Variants in OR56A5 observed in about 807,000 individuals in gnomAD.
OR56A5 encodes the protein olfactory receptor family 56 subfamily A member 5.
OR56A5 carries 10 observed loss-of-function variants against 13.8 expected under a neutral mutation model. The ratio of observed to expected loss-of-function variants is 0.73; its 90% CI spans 0.45 to 1.23. The LOEUF (loss-of-function observed/expected upper bound fraction) is 1.23. Among genes scored for constraint, OR56A5 ranks in the 50% most tolerant of loss-of-function variants. OR56A5 has a pLI of 0.00. For synonymous variants in OR56A5, 156 were observed against 150.8 expected (o/e 1.03, Z -0.25); for missense variants, 377 against 370.9 (o/e 1.02, Z -0.13).
rs917751233 is a variant in OR56A5 at position 5,967,584 on chromosome 11, T to C, written c.911A>G (p.Gln304Arg). 5.6e-6 allele frequency: 9 copies of C among 1,606,230 alleles called. No homozygotes were observed. The highest frequency in any genetic ancestry group is 7.7e-6 in the Non-Finnish European group (9 of 1,175,456). The change falls in exon 1 of 1, where the codon CAG becomes CGG. Residue 304 changes from glutamine to arginine, a missense_variant. Physicochemically the swap from Gln to Arg is conservative, Grantham distance 43 (BLOSUM62 1). Transcript: ENST00000532411. ...CCTCCTCAGCAGGTTCTGGATTCCC[T>C]GCTTGATCTCCTTGGTTCTCACACC... is the stretch of plus-strand genomic sequence containing the variant. ...VYGVRTKEIKQGIQNLLRRL is the reference protein window; with the variant it reads ...VYGVRTKEIKRGIQNLLRRL
Position 5,968,020 on chromosome 11 carries a change from T to C in OR56A5, c.475A>G (p.Thr159Ala). Reference sequence around the variant, plus strand: ...GAAGAAAGTATGGGGATAGGCATAGTAAGAAGGCCATTCCTGGCCACAACA... The same window carrying C: ...GAAGAAAGTATGGGGATAGGCATAGCAAGAAGGCCATTCCTGGCCACAACA... ...IFVVARNGLL[T>A]MPIPILSSRL... Residue 159 changes from threonine to alanine, a missense_variant, in exon 1 of 1, where the codon ACT becomes GCT. By Grantham distance (58) the Thr-to-Ala change is moderately conservative. Transcript: ENST00000532411. The C allele has an allele frequency of 6.3e-7, 1 of 1,596,150 alleles. No individual in the cohort carries two copies. The highest frequency in any genetic ancestry group is 8.5e-7 in the Non-Finnish European group (1 of 1,170,224).
chr11:5,967,806 C>T lies in OR56A5; in HGVS notation c.689G>A (p.Arg230Lys), dbSNP rs772921173. ...GGCCATATCTCCCTCACCCTTAATC[C>T]TTAGCACAGTTTTCAAGATAAAAAA... ...SYFFILKTVL[R>K]IKGEGDMAKA... The change falls in exon 1 of 1, where the codon AGG becomes AAG. Residue 230 changes from arginine to lysine, a missense_variant. By Grantham distance (26) the Arg-to-Lys change is conservative. Transcript: ENST00000532411. 58 of 1,573,052 alleles carry T rather than the reference C, an allele frequency of 3.7e-5. No homozygotes were observed. Among genetic ancestry groups the T allele is most frequent in the Non-Finnish European group, 4.4e-5 (51 of 1,157,798 alleles).
Position 5,968,309 on chromosome 11 carries a change from C to T in OR56A5, c.186G>A (p.Leu62=). Reference sequence around the variant, plus strand: ...GGGAGAGGAGGCTGAGCAGGTAGTACAGGGGCTGGTGCAGAGAGGCTTCCA... The same window carrying T: ...GGGAGAGGAGGCTGAGCAGGTAGTATAGGGGCTGGTGCAGAGAGGCTTCCA... ...IYLEASLHQP[L]YYLLSLLSLL... Residue 62 remains leucine, a synonymous_variant, in exon 1 of 1, where the codon CTG becomes CTA. Transcript: ENST00000532411. 1 of 1,612,522 alleles carries T rather than the reference C, an allele frequency of 6.2e-7. No homozygotes were observed. The highest frequency in any genetic ancestry group is 8.5e-7 in the Non-Finnish European group (1 of 1,179,258).
In OR56A5 at chr11:5,968,245, C is replaced by T. The variant is rs1421762502; in HGVS notation, c.250G>A (p.Val84Ile). ...AGGTCAAACCAGAAGATGGCCAGGACCTTGGGGATGACGGTGAGGCAGAGT... is the reference window on the plus strand; with the variant it reads ...AGGTCAAACCAGAAGATGGCCAGGATCTTGGGGATGACGGTGAGGCAGAGT... ...IVLCLTVIPK[V>I]LAIFWFDLRS... The change falls in exon 1 of 1, where the codon GTC becomes ATC. Residue 84 changes from valine to isoleucine, a missense_variant. By Grantham distance (29) the Val-to-Ile change is conservative. Transcript: ENST00000532411. 1 of 1,613,894 alleles carries T rather than the reference C, an allele frequency of 6.2e-7. No individual in the cohort carries two copies. The highest frequency in any genetic ancestry group is 1.3e-5 in the African/African-American group (1 of 75,036).
In OR56A5 at chr11:5,967,893, T is replaced by A. The variant is rs541837280; in HGVS notation, c.602A>T (p.Tyr201Phe). The A allele has an allele frequency of 6.7e-5, 107 of 1,585,882 alleles. No individual in the cohort carries two copies. In the Admixed American group the frequency reaches 8.1e-4, roughly 12 times the overall value. ...CAGGGTCCAACCTATAACAAACTGGTAGCTCTGATTCAAGGTGATGTCATC... is the reference window on the plus strand; with the variant it reads ...CAGGGTCCAACCTATAACAAACTGGAAGCTCTGATTCAAGGTGATGTCATC... ...SCDDITLNQS[Y>F]QFVIGWTLLG... Residue 201 changes from tyrosine to phenylalanine, a missense_variant, in exon 1 of 1, where the codon TAC becomes TTC. Physicochemically the swap from Tyr to Phe is conservative, Grantham distance 22. Transcript: ENST00000532411.
rs761084574 is a variant in OR56A5, at chr11:5,968,337, T to G, written c.158A>C (p.Tyr53Ser). ...GGGCTGGTGCAGAGAGGCTTCCAGATAGATGGTGATCAGAAGGGTGGCATT... is the reference window on the plus strand; with the variant it reads ...GGGCTGGTGCAGAGAGGCTTCCAGAGAGATGGTGATCAGAAGGGTGGCATT... Reference protein sequence around the residue: ...GANATLLITIYLEASLHQPLY... With the variant: ...GANATLLITISLEASLHQPLY... The change falls in exon 1 of 1, where the codon TAT (tyrosine) becomes TCT (serine). Residue 53 changes from tyrosine to serine, a missense_variant. Physicochemically the swap from Tyr to Ser is moderately radical, Grantham distance 144. Transcript: ENST00000532411. The G allele has an allele frequency of 6.2e-7, 1 of 1,613,412 alleles. No homozygotes were observed. Among genetic ancestry groups the G allele is most frequent in the Admixed American group, 1.7e-5 (1 of 59,972 alleles).
At position 5,968,012 on chromosome 11, in the gene OR56A5, A is replaced by G; in HGVS notation, c.483T>C (p.Pro161=). ...TGAGTCGAGAAGAAAGTATGGGGAT[A>G]GGCATAGTAAGAAGGCCATTCCTGG... ...VVARNGLLTM[P]IPILSSRLRY... is the part of the protein sequence containing the mutation. Residue 161 remains proline, a synonymous_variant, in exon 1 of 1, where the codon CCT becomes CCC. Transcript: ENST00000532411. 2 of 1,593,228 alleles carry G rather than the reference A, an allele frequency of 1.3e-6. No homozygotes were observed. Among genetic ancestry groups the G allele is most frequent in the Non-Finnish European group, 1.7e-6 (2 of 1,168,600 alleles).
rs763234735 is a variant in OR56A5, at chr11:5,967,612, A to G, written c.883T>C (p.Tyr295His). 1.2e-6 allele frequency: 2 copies of G among 1,613,766 alleles called. No individual in the cohort carries two copies. Among genetic ancestry groups the G allele is most frequent in the African/African-American group, 2.7e-5 (2 of 74,928 alleles). The part of the protein sequence containing the change: ...LIPPALNPIV[Y>H]GVRTKEIKQG... ...TTGATCTCCTTGGTTCTCACACCAT[A>G]AACAATGGGGTTCAGAGCTGGGGGA... is the stretch of plus-strand genomic sequence containing the variant. Residue 295 changes from tyrosine to histidine, a missense_variant, in exon 1 of 1, where the codon TAT becomes CAT. Tyr to His is a moderately conservative substitution (Grantham distance 83). Transcript: ENST00000532411.
chr11:5,967,679 A>T lies in OR56A5; in HGVS notation c.816T>A (p.Pro272=). 1 of 1,613,914 alleles carries T rather than the reference A, an allele frequency of 6.2e-7. No individual in the cohort carries two copies. The highest frequency in any genetic ancestry group is 8.5e-7 in the Non-Finnish European group (1 of 1,179,942). Residue 272 remains proline (P), a synonymous_variant, in exon 1 of 1, where the codon CCT becomes CCA. Transcript: ENST00000532411. The stretch of plus-strand genomic sequence containing the variant: ...TGTTGAGCAGGATGGGGACATCCGG[A>T]GGAATTCTCTTCCTGGCCAGGTTAG... ...VITNLARKRI[P]PDVPILLNIL...
At position 5,968,320 on chromosome 11, in the gene OR56A5, G is replaced by T; in HGVS notation, c.175C>A (p.His59Asn). Reference sequence around the variant, plus strand: ...CTGAGCAGGTAGTACAGGGGCTGGTGCAGAGAGGCTTCCAGATAGATGGTG... The same window carrying T: ...CTGAGCAGGTAGTACAGGGGCTGGTTCAGAGAGGCTTCCAGATAGATGGTG... ...LITIYLEASL[H>N]QPLYYLLSLL... Residue 59 changes from histidine to asparagine, a missense_variant, in exon 1 of 1, where the codon CAC becomes AAC. His to Asn is a moderately conservative substitution (Grantham distance 68). Transcript: ENST00000532411. 1.2e-6 allele frequency: 2 copies of T among 1,613,010 alleles called. No homozygotes were observed.
Position 5,967,581 on chromosome 11 carries a change from C to T in OR56A5, c.914G>A (p.Gly305Glu). Residue 305 changes from glycine (G) to glutamate (E), a missense_variant, in exon 1 of 1, where the codon GGA (glycine) becomes GAA (glutamate). Coordinates refer to ENST00000532411, the MANE Select transcript of OR56A5 (RefSeq NM_001146033.1). Reference protein sequence around the residue: ...YGVRTKEIKQGIQNLLRRL With the variant: ...YGVRTKEIKQEIQNLLRRL ...CAACCTCCTCAGCAGGTTCTGGATT[C>T]CCTGCTTGATCTCCTTGGTTCTCAC... 6.2e-7 allele frequency: 1 copy of T among 1,603,544 alleles called. No homozygotes were observed. Among genetic ancestry groups the T allele is most frequent in the Non-Finnish European group, 8.5e-7 (1 of 1,174,090 alleles).
In OR56A5 at chr11:5,968,488, A is replaced by G. The variant is rs922094082; in HGVS notation, c.7T>C (p.Leu3=). The G allele has an allele frequency of 6.5e-7, 1 of 1,550,242 alleles. No homozygotes were observed. The highest frequency in any genetic ancestry group is 1.4e-5 in the African/African-American group (1 of 73,010). The part of the protein sequence containing the change: MT[L]PSNNSTSPVF... ...GGGGAAGTGGAGTTGTTGCTGGGTA[A>G]TGTCATGAAATAAATCCTCAGCTGA... The change falls in exon 1 of 1, where the codon TTA becomes CTA. Residue 3 remains leucine, a synonymous_variant. Transcript: ENST00000532411.
In OR56A5 at chr11:5,968,433, G is replaced by A. The variant is rs767061143; in HGVS notation, c.62C>T (p.Pro21Leu). 3.1e-6 allele frequency: 5 copies of A among 1,596,402 alleles called. No individual in the cohort carries two copies. The South Asian group carries it at 5.6e-5, about 18-fold the overall frequency. The change falls in exon 1 of 1, where the codon CCC becomes CTC. Residue 21 changes from proline (P) to leucine (L), a missense_variant. By Grantham distance (98) the Pro-to-Leu change is moderately conservative. Transcript: ENST00000532411. ...CCAGTGCTGCCAGCTCTGGAAACTG[G>A]GGAAACAAATGAGGAAGAATTCAAA... ...PVFEFFLICF[P>L]SFQSWQHWLS...
At position 5,968,460 on chromosome 11, in the gene OR56A5, A is replaced by G; in HGVS notation, c.35T>C (p.Val12Ala). Residue 12 changes from valine to alanine, a missense_variant, in exon 1 of 1, where the codon GTC (valine) becomes GCC (alanine). Coordinates refer to ENST00000532411, the MANE Select transcript of OR56A5 (RefSeq NM_001146033.1). ...TLPSNNSTSP[V>A]FEFFLICFPS... The stretch of plus-strand genomic sequence containing the variant: ...GAAACAAATGAGGAAGAATTCAAAG[A>G]CTGGGGAAGTGGAGTTGTTGCTGGG... The G allele has an allele frequency of 2.6e-6, 4 of 1,565,470 alleles. No homozygotes were observed. The highest frequency in any genetic ancestry group is 2.6e-6 in the Non-Finnish European group (3 of 1,154,334).
chr11:5,967,600 T>G lies in OR56A5; in HGVS notation c.895A>C (p.Thr299Pro), dbSNP rs1590454714. The change falls in exon 1 of 1, where the codon ACC (threonine) becomes CCC (proline). Residue 299 changes from threonine (T) to proline (P), a missense_variant. Transcript: ENST00000532411. ...TGGATTCCCTGCTTGATCTCCTTGG[T>G]TCTCACACCATAAACAATGGGGTTC... ...ALNPIVYGVR[T>P]KEIKQGIQNL... 18 of 1,613,400 alleles carry G rather than the reference T, an allele frequency of 1.1e-5. No homozygotes were observed. The East Asian group carries it at 4.0e-4, about 36-fold the overall frequency.
chr11:5,967,938 G>T lies in OR56A5; in HGVS notation c.557C>A (p.Ser186Tyr). The change falls in exon 1 of 1, where the codon TCT becomes TAT. Residue 186 changes from serine to tyrosine, a missense_variant. Transcript: ENST00000532411. ...GTCATCACAAGAGAGTTTAGACACA[G>T]ACACGTTAGTACAGATGCAGTTCTT... is the stretch of plus-strand genomic sequence containing the variant. ...IIKNCICTNV[S>Y]VSKLSCDDIT... 1 of 1,595,488 alleles carries T rather than the reference G, an allele frequency of 6.3e-7. No individual in the cohort carries two copies. The highest frequency in any genetic ancestry group is 2.3e-5 in the East Asian group (1 of 44,346).
Position 5,967,934 on chromosome 11 carries a change from C to G in OR56A5, c.561G>C (p.Val187=), listed in dbSNP as rs900543239. Residue 187 remains valine (V), a synonymous_variant, in exon 1 of 1, where the codon GTG becomes GTC. Transcript: ENST00000532411. The stretch of plus-strand genomic sequence containing the variant: ...TGATGTCATCACAAGAGAGTTTAGA[C>G]ACAGACACGTTAGTACAGATGCAGT... The part of the protein sequence containing the change: ...IKNCICTNVS[V]SKLSCDDITL... 1 of 1,595,580 alleles carries G rather than the reference C, an allele frequency of 6.3e-7. No homozygotes were observed. The highest frequency in any genetic ancestry group is 1.3e-5 in the African/African-American group (1 of 74,560).
Position 5,967,720 on chromosome 11 carries a change from GC to G in OR56A5, c.774del (p.Leu259TrpfsTer32), listed in dbSNP as rs1179415894. 1 of 1,612,452 alleles carries G rather than the reference GC, an allele frequency of 6.2e-7. No homozygotes were observed. Among genetic ancestry groups the G allele is most frequent in the African/African-American group, 1.3e-5 (1 of 74,926 alleles). On this transcript the variant is annotated frameshift_variant, in exon 1 of 1. Coordinates refer to ENST00000532411, the MANE Select transcript of OR56A5 (RefSeq NM_001146033.1). LOFTEE classifies it high-confidence loss of function. ...FILILFFTTV[L>X]LVLVITNLAR... Reference sequence around the variant, plus strand: ...GCCAGGTTAGTGATGACCAGAACCAGCAGGACTGTGGTGAAGAAGAGGATGA... The same window carrying G: ...GCCAGGTTAGTGATGACCAGAACCAGAGGACTGTGGTGAAGAAGAGGATGA...
At position 5,967,796 on chromosome 11, in the gene OR56A5, AC is replaced by A; in HGVS notation, c.698del (p.Gly233ValfsTer9). On this transcript the variant is annotated frameshift_variant, in exon 1 of 1. Coordinates refer to ENST00000532411, the MANE Select transcript of OR56A5 (RefSeq NM_001146033.1). LOFTEE classifies it high-confidence loss of function. ...CTAGAGCTTTGGCCATATCTCCCTC[AC>A]CCTTAATCCTTAGCACAGTTTTCAA... ...FILKTVLRIK[G>X]EGDMAKALGT... The A allele has an allele frequency of 1.3e-6, 2 of 1,578,626 alleles. No homozygotes were observed. The highest frequency in any genetic ancestry group is 1.7e-6 in the Non-Finnish European group (2 of 1,160,674).
Sources: gnomAD v4.1 joint callset for allele counts on GRCh38, gnomAD v4.1.1 for gene constraint, MANE v1.5 for transcripts, NCBI Gene and HGNC (gene_info 2026-07-23, HGNC 2026-07-21) for gene names.